Variants in GPR174 observed in about 807,000 individuals in gnomAD.
GPR174 encodes the protein probable G protein-coupled receptor 174.
A neutral mutation model predicts 16.5 loss-of-function variants in GPR174; 8 were observed. The ratio of observed to expected loss-of-function variants is 0.48; its 90% CI spans 0.28 to 0.87. The LOEUF (loss-of-function observed/expected upper bound fraction) is 0.87. Ranked by LOEUF, GPR174 falls within the 40% of genes least tolerant of loss-of-function variation. The probability of loss-of-function intolerance (pLI) is 0.09; values close to 1 mark genes in which losing one functional copy is unlikely to be tolerated. For missense variants in GPR174, 214 were observed against 247.5 expected, an observed-to-expected ratio of 0.86 and a Z score of 0.91; for synonymous variants, 111 against 94.8, an observed-to-expected ratio of 1.17 and a Z score of -0.99.
intron 1 of GPR174, among the ~76,000 whole-genome samples, chrX:79,154,872 G>A (rs1244279224): frequency 9.0e-6 from 1 of 111,027 alleles, no homozygotes; most frequent in Non-Finnish European, 1.9e-5. Flanking sequence ...TAAATGACTT[G>A]TCTTGGGAGT....
rs1569277607 is a variant in GPR174 at position 79,145,010 on chromosome X, CTTTCTTTCTTTCTT to C, written c.-859_-846del. 16 of 15,700 alleles carry C rather than the reference CTTTCTTTCTTTCTT, an allele frequency of 1.0e-3. No individual in the cohort carries two copies. The highest frequency in any genetic ancestry group is 8.4e-3 in the South Asian group (3 of 356). 1.3% of individuals were successfully genotyped at this position (15,700 alleles called of 1,213,427 possible). ...TCTTTCTTTCTCTCTCTCTCTCTTT[CTTTCTTTCTTTCTT>C]TCTTTCTTTCTTTCTTTCTTTCTTT... On this transcript the variant is annotated 5_prime_UTR_variant, in exon 1 of 3. Transcript: ENST00000645147.
chrX:79,169,976 G>A (rs1269360491), intron 2 of GPR174, among the ~76,000 whole-genome samples: 2 of 111,900 alleles, frequency 1.8e-5, no homozygotes, highest in Admixed American at 1.9e-4. Flanking sequence ...GATACAAATT[G>A]CATACTGTAC....
chrX:79,150,684 G>A (rs541896243), intron 1 of GPR174, among the ~76,000 whole-genome samples: 10 of 111,344 alleles, frequency 9.0e-5, no homozygotes, highest in African/African-American at 2.9e-4. Flanking sequence ...TTTCCTGAGT[G>A]AGGAATTATA....
Position 79,165,691 on chromosome X carries a change from G to A in GPR174, c.-556-4761G>A, listed in dbSNP as rs563546240. Among the ~76,000 whole-genome samples the A allele has an allele frequency of 2.5e-4, 28 of 111,152 alleles. 1 individual carries two copies. In the South Asian group the frequency reaches 0.011, roughly 43 times the overall value. ...ACCTGGAGTGAGGCCTTGATAACTG[G>A]TTTTATTTTCCATTCCATGCTTGGT... On this transcript the variant is annotated intron_variant, in intron 2 of 2. Coordinates refer to ENST00000645147, the MANE Select transcript of GPR174 (RefSeq NM_032553.3).
chrX:79,148,417 ATTG>A (rs1393612335), intron 1 of GPR174, among the ~76,000 whole-genome samples: 5 of 112,158 alleles, frequency 4.5e-5, no homozygotes, highest in Admixed American at 9.5e-5. Flanking sequence ...AGGCTTTAAT[ATTG>A]TTATTATTAT....
intron 2 of GPR174, among the ~76,000 whole-genome samples, chrX:79,161,586 G>A (rs1264535882): frequency 9.0e-6 from 1 of 111,585 alleles, no homozygotes; most frequent in Non-Finnish European, 1.9e-5. Context: ...AATTCCATAG[G>A]GCCACTGGTG....
In GPR174 at chrX:79,171,396, A is replaced by G; in HGVS notation, c.389A>G (p.Lys130Arg). 5.0e-6 allele frequency: 6 copies of G among 1,211,790 alleles called. No individual in the cohort carries two copies. Among genetic ancestry groups the G allele is most frequent in the Non-Finnish European group, 6.7e-6 (6 of 895,535 alleles). Residue 130 changes from lysine to arginine, a missense_variant, in exon 3 of 3, where the codon AAA becomes AGA. Physicochemically the swap from Lys to Arg is conservative, Grantham distance 26. Coordinates refer to ENST00000645147, the MANE Select transcript of GPR174 (RefSeq NM_032553.3). ...LMYPFRFHDC[K>R]QKYDLYISIA... ...TACCCCTTTCGCTTCCATGACTGCA[A>G]ACAGAAATATGACCTGTACATCAGC...
intron 2 of GPR174, among the ~76,000 whole-genome samples, chrX:79,158,604 C>T (rs1046548597): frequency 3.8e-5 from 4 of 106,625 alleles, no homozygotes; most frequent in African/African-American, 1.4e-4. Flanking sequence ...CCACCACACC[C>T]GACTAATTTT....
At position 79,144,792 on chromosome X, in the gene GPR174, T is replaced by C. The variant is rs1388215574; in HGVS notation, c.-1079T>C. 9.0e-6 allele frequency: 1 copy of C among 111,294 alleles called. No homozygotes were observed. Among genetic ancestry groups the C allele is most frequent in the Non-Finnish European group, 1.9e-5 (1 of 52,955 alleles). 9.2% of individuals were successfully genotyped at this position (111,294 alleles called of 1,213,427 possible). ...TCCTGATAATTTTAATTTTTTTTCC[T>C]TTTGCTTTCATAATTTTTCTTTTGG... On this transcript the variant is annotated 5_prime_UTR_variant, in exon 1 of 3. Coordinates refer to ENST00000645147, the MANE Select transcript of GPR174 (RefSeq NM_032553.3).
chrX:79,157,373 C>T (rs147793680), intron 2 of GPR174, among the ~76,000 whole-genome samples: 2 of 112,020 alleles, frequency 1.8e-5, no homozygotes, highest in East Asian at 5.6e-4. Flanking sequence ...ACTCATCTAA[C>T]ACTAGTCCTG....
chrX:79,172,172 G>T lies in GPR174; in HGVS notation c.*163G>T. The stretch of plus-strand genomic sequence containing the variant: ...TTCTTCAAAGCAGGACCTATTTGGA[G>T]CATTACGATCCACGATTATTGATGT... On this transcript the variant is annotated 3_prime_UTR_variant, in exon 3 of 3. Transcript: ENST00000645147. 2.1e-6 allele frequency: 1 copy of T among 477,073 alleles called. No individual in the cohort carries two copies. The highest frequency in any genetic ancestry group is 3.4e-6 in the Non-Finnish European group (1 of 292,463). The allele number at this position is 477,073 out of a possible 1,213,427, so 39.3% of individuals were successfully genotyped here. A position where few individuals can be genotyped will look rare whatever the true frequency, so the allele number is the denominator to read the frequency against.
At chrX:79,154,137 A>C (rs1921040001) in intron 1 of GPR174, among the ~76,000 whole-genome samples, 2 of 111,225 alleles carry the variant, frequency 1.8e-5, no homozygotes, top group South Asian at 7.6e-4. Flanking sequence ...AGCTTGTTGA[A>C]TTACTCCATA....
chrX:79,156,543 T>C (rs1921102931), intron 1 of GPR174, among the ~76,000 whole-genome samples: 1 of 112,231 alleles, frequency 8.9e-6, no homozygotes, highest in African/African-American at 3.2e-5. Flanking sequence ...TAAGGGCTCC[T>C]TGTGACCAGG....
At position 79,151,436 on chromosome X, in the gene GPR174, A is replaced by G. The variant is rs927610074; in HGVS notation, c.-653-5386A>G. On this transcript the variant is annotated intron_variant, in intron 1 of 2. Coordinates refer to ENST00000645147, the MANE Select transcript of GPR174 (RefSeq NM_032553.3). ...TTGGTGAGTTTGGAGATAAATATAT[A>G]CCTGGGAAACCACCACCACAATCTA... Among the ~76,000 whole-genome samples, 3 of 111,105 alleles carry G rather than the reference A, an allele frequency of 2.7e-5. No homozygotes were observed. In the East Asian group the frequency reaches 8.4e-4, roughly 31 times the overall value.
chrX:79,158,036 G>C (rs1470979389), intron 2 of GPR174, among the ~76,000 whole-genome samples: 1 of 105,566 alleles, frequency 9.5e-6, no homozygotes, highest in East Asian at 3.2e-4. Flanking sequence ...TTTAATATTA[G>C]TTTGATGCAA....
At chrX:79,145,408 G>A (rs776743837) in intron 1 of GPR174, among the ~76,000 whole-genome samples, 191 bp downstream of exon 1, 1 of 111,118 alleles carries the variant, frequency 9.0e-6, no homozygotes, top group African/African-American at 3.3e-5. Flanking sequence ...ATTGTATGAC[G>A]GGCTGCCGGA....
rs1448950465 is a variant in GPR174, at chrX:79,172,603, C to T, written c.*594C>T. 8.9e-6 allele frequency: 1 copy of T among 112,150 alleles called. No homozygotes were observed. The highest frequency in any genetic ancestry group is 1.9e-5 in the Non-Finnish European group (1 of 53,285). 9.2% of individuals were successfully genotyped at this position (112,150 alleles called of 1,213,427 possible). A position where few individuals can be genotyped will look rare whatever the true frequency, so the allele number is the denominator to read the frequency against. On this transcript the variant is annotated 3_prime_UTR_variant, in exon 3 of 3. Coordinates refer to ENST00000645147, the MANE Select transcript of GPR174 (RefSeq NM_032553.3). ...TCATTTTTGTGTCAACATGAAACAT[C>T]ATTTGTCACACCTGTTCACAGAATG... is the stretch of plus-strand genomic sequence containing the variant.
intron 2 of GPR174, among the ~76,000 whole-genome samples, chrX:79,169,065 C>T (rs901314812): frequency 8.9e-6 from 1 of 111,994 alleles, no homozygotes; most frequent in Non-Finnish European, 1.9e-5. Flanking sequence ...CCCATAAGAA[C>T]TCCATATGAA....
At chrX:79,148,975 T>C (rs751632808) in intron 1 of GPR174, among the ~76,000 whole-genome samples, 1 of 112,019 alleles carries the variant, frequency 8.9e-6, no homozygotes, top group Non-Finnish European at 1.9e-5. Flanking sequence ...GTCTACTCTA[T>C]TTGAAGTGTC....
Sources: gnomAD v4.1 joint callset for allele counts (sites outside exome capture counted in the v4.1 genomes callset) on GRCh38, gnomAD v4.1.1 for gene constraint, MANE v1.5 for transcripts, NCBI Gene and HGNC (gene_info 2026-07-23, HGNC 2026-07-21) for gene names.